Variants in PCDHGA3 observed in about 807,000 individuals in gnomAD.
The protein encoded by PCDHGA3 is protocadherin gamma subfamily A, 3, also known as protocadherin gamma-A3.
PCDHGA3 carries 40 observed loss-of-function variants against 58.5 expected under a neutral mutation model. The observed-to-expected ratio is 0.68, with a 90% CI of 0.53 to 0.89. The LOEUF (loss-of-function observed/expected upper bound fraction) is 0.89. Ranked by LOEUF, PCDHGA3 falls within the 40% of genes least tolerant of loss-of-function variation. The probability of loss-of-function intolerance (pLI) is 0.00; values close to 1 mark genes in which losing one functional copy is unlikely to be tolerated. For missense variants in PCDHGA3, 1,223 were observed against 1,195.9 expected, an observed-to-expected ratio of 1.02 and a Z score of -0.33; for synonymous variants, 530 against 525.7, an observed-to-expected ratio of 1.01 and a Z score of -0.11.
chr5:141,403,074 A>T (rs777613681), intron 1 of PCDHGA3: 1 of 1,614,088 alleles, frequency 6.2e-7, no homozygotes, highest in South Asian at 1.1e-5. Context: ...GAGACAGAAA[A>T]GGGCTATATT....
Position 141,346,227 on chromosome 5 carries a change from T to C in PCDHGA3, c.2194T>C (p.Leu732=). 1 of 1,614,224 alleles carries C rather than the reference T, an allele frequency of 6.2e-7. No individual in the cohort carries two copies. Among genetic ancestry groups the C allele is most frequent in the Non-Finnish European group, 8.5e-7 (1 of 1,180,042 alleles). ...SRLLQASGGG[L]ASTPGSHFVG... is the part of the protein sequence containing the mutation. ...CCTGCTGCAGGCTTCGGGAGGCGGC[T>C]TGGCGAGTACGCCCGGCTCGCACTT... The change falls in exon 1 of 4, where the codon TTG becomes CTG. Residue 732 remains leucine, a synonymous_variant. Coordinates refer to ENST00000253812, the MANE Select transcript of PCDHGA3 (RefSeq NM_018916.4).
chr5:141,454,628 AC>A (rs1272822911), intron 1 of PCDHGA3, among the ~76,000 whole-genome samples: 2 of 151,334 alleles, frequency 1.3e-5, no homozygotes, highest in Non-Finnish European at 2.9e-5. Context: ...CTGGTCTCGA[AC>A]CCCCAACCTC....
chr5:141,486,844 C>T lies in PCDHGA3; in HGVS notation c.2425-7963C>T, dbSNP rs150549306. The T allele has an allele frequency of 1.1e-5, 17 of 1,614,220 alleles. No homozygotes were observed. The highest frequency in any genetic ancestry group is 1.4e-5 in the Non-Finnish European group (16 of 1,180,026). ...TAACAGTTCGTCTATTTGTGCTGGACCTCAATGACAATGCTCCAGCTGTGC... is the reference window on the plus strand; with the variant it reads ...TAACAGTTCGTCTATTTGTGCTGGATCTCAATGACAATGCTCCAGCTGTGC... On this transcript the variant is annotated intron_variant, in intron 1 of 3. Transcript: ENST00000253812. The surrounding 1 kb of genome is among the most constrained non-coding windows in gnomAD (Gnocchi z 5.0).
chr5:141,389,411 CG>C, intron 1 of PCDHGA3: 2 of 1,613,568 alleles, frequency 1.2e-6, no homozygotes, highest in South Asian at 2.2e-5. Flanking sequence ...GCGCGGAGAG[CG>C]GGGTGGTGTT....
chr5:141,346,009 C>G lies in PCDHGA3; in HGVS notation c.1976C>G (p.Thr659Arg). Residue 659 changes from threonine (T) to arginine (R), a missense_variant, in exon 1 of 4, where the codon ACG becomes AGG. Physicochemically the swap from Thr to Arg is moderately conservative, Grantham distance 71. Transcript: ENST00000253812. Reference protein sequence around the residue: ...HGQPPLSATVTLTVAVADRIP... With the variant: ...HGQPPLSATVRLTVAVADRIP... ...CAGCCCCCTCTCTCCGCCACTGTCA[C>G]GCTCACCGTGGCCGTGGCCGACAGG... The G allele has an allele frequency of 6.2e-7, 1 of 1,613,514 alleles. No homozygotes were observed. Among genetic ancestry groups the G allele is most frequent in the Non-Finnish European group, 8.5e-7 (1 of 1,179,858 alleles).
At chr5:141,409,462 C>A (rs377705841) in intron 1 of PCDHGA3, 64 of 1,613,870 alleles carry the variant, frequency 4.0e-5, no homozygotes, top group Non-Finnish European at 5.3e-5. Flanking sequence ...AATACAATGT[C>A]ACCATCGTAG....
intron 1 of PCDHGA3, chr5:141,416,540 G>T (rs1439132249): frequency 6.6e-6 from 1 of 151,974 alleles, no homozygotes; most frequent in Non-Finnish European, 1.5e-5. Flanking sequence ...GTATAAGGAG[G>T]CAAACACCTG....
chr5:141,395,221 A>G, intron 1 of PCDHGA3: 1 of 1,611,672 alleles, frequency 6.2e-7, no homozygotes, highest in Non-Finnish European at 8.5e-7. Context: ...TATAAGAATG[A>G]AGCTGATCAT....
Position 141,343,884 on chromosome 5 carries a change from G to A in PCDHGA3, c.-150G>A. The stretch of plus-strand genomic sequence containing the variant: ...CCAGCAAATCAGACTCAGAAGATCC[G>A]GGGCGGCTGCCAACCTCACCTCTTA... On this transcript the variant is annotated 5_prime_UTR_variant, in exon 1 of 4. Transcript: ENST00000253812. 1 of 648,930 alleles carries A rather than the reference G, an allele frequency of 1.5e-6. No individual in the cohort carries two copies. Among genetic ancestry groups the A allele is most frequent in the Admixed American group, 3.2e-5 (1 of 31,096 alleles). The allele number at this position is 648,930 out of a possible 1,614,324, so 40.2% of individuals were successfully genotyped here.
At chr5:141,392,238 A>G (rs1412628236) in intron 1 of PCDHGA3, 1 of 152,214 alleles carries the variant, frequency 6.6e-6, no homozygotes, top group Admixed American at 6.5e-5. Context: ...GTTCTTAGTT[A>G]TTTGTTAGTA....
At chr5:141,484,880 T>G (rs1258072805) in intron 1 of PCDHGA3, 3 of 336,846 alleles carry the variant, frequency 8.9e-6, no homozygotes, top group Admixed American at 9.2e-5. Flanking sequence ...GAGGATAGGG[T>G]GGGCTTTTTC....
intron 1 of PCDHGA3, chr5:141,351,868 C>T (rs1336199372): frequency 1.2e-6 from 2 of 1,613,164 alleles, no homozygotes; most frequent in South Asian, 1.1e-5. Context: ...AGGGCTCCCC[C>T]GCGCTCAGCG....
intron 1 of PCDHGA3, among the ~76,000 whole-genome samples, chr5:141,453,288 ATTATTTAT>A (rs577328880): frequency 6.6e-6 from 1 of 151,342 alleles, no homozygotes; most frequent in Non-Finnish European, 1.5e-5. Context: ...TAATTTTTTA[ATTATTTAT>A]TTATTTATTT....
At chr5:141,418,407 A>C (rs1165583519) in intron 1 of PCDHGA3, 1 of 1,613,926 alleles carries the variant, frequency 6.2e-7, no homozygotes, top group Non-Finnish European at 8.5e-7. Flanking sequence ...TTGGTGGAGA[A>C]AGACAATCCT....
chr5:141,474,985 C>T (rs2099357651), intron 1 of PCDHGA3, among the ~76,000 whole-genome samples: 1 of 152,202 alleles, frequency 6.6e-6, no homozygotes, highest in Non-Finnish European at 1.5e-5. Context: ...TGTTTGGTGA[C>T]AACAATTCTA....
At chr5:141,415,074 G>A (rs745950404) in intron 1 of PCDHGA3, 4 of 1,613,448 alleles carry the variant, frequency 2.5e-6, no homozygotes, top group East Asian at 2.2e-5. Flanking sequence ...TGCGCACGGC[G>A]CGAGCCCTGC....
intron 1 of PCDHGA3, chr5:141,389,454 C>T (rs544789937): frequency 6.2e-7 from 1 of 1,612,960 alleles, no homozygotes; most frequent in African/African-American, 1.3e-5. Context: ...CGAGCAGCTG[C>T]GCGCCTTCGA....
intron 1 of PCDHGA3, among the ~76,000 whole-genome samples, chr5:141,380,691 G>C (rs1198645485): frequency 6.6e-6 from 1 of 152,212 alleles, no homozygotes; most frequent in Non-Finnish European, 1.5e-5. Flanking sequence ...TTTGTGTTCG[G>C]AGTAGTCTAT....
chr5:141,389,767 G>A (rs2091900481), intron 1 of PCDHGA3: 1 of 1,613,028 alleles, frequency 6.2e-7, no homozygotes, highest in Non-Finnish European at 8.5e-7. Flanking sequence ...CGCACAGCGC[G>A]TGCCTTAGGC....
Sources: gnomAD v4.1 joint callset for allele counts (sites outside exome capture counted in the v4.1 genomes callset) on GRCh38, gnomAD v4.1.1 for gene constraint, Gnocchi (gnomAD v3.1) non-coding constraint, MANE v1.5 for transcripts, NCBI Gene and HGNC (gene_info 2026-07-23, HGNC 2026-07-21) for gene names.